Variants in ERAP2 observed in about 807,000 individuals in gnomAD.
ERAP2 encodes endoplasmic reticulum aminopeptidase 2.
A neutral mutation model predicts 111.1 loss-of-function variants in ERAP2; 118 were observed. The ratio of observed to expected loss-of-function variants is 1.06; its 90% CI spans 0.92 to 1.24. The LOEUF is 1.24. Among genes scored for constraint, ERAP2 ranks in the 50% most tolerant of loss-of-function variants. ERAP2 has a pLI of 0.00. For synonymous variants in ERAP2, 410 were observed against 401.2 expected (o/e 1.02, Z -0.26); for missense variants, 1,131 against 1,125.8 (o/e 1.00, Z -0.07).
chr5:96,911,880 AAG>A (rs1368212018), intron 15 of ERAP2, among the ~76,000 whole-genome samples: 1 of 125,596 alleles, frequency 8.0e-6, no homozygotes, highest in Admixed American at 8.5e-5. Context: ...AAAAAAAAAA[AAG>A]AAAGAAAGAA....
intron 2 of ERAP2, among the ~76,000 whole-genome samples, chr5:96,882,201 C>T (rs1243526153): frequency 2.0e-5 from 3 of 152,226 alleles, no homozygotes; most frequent in African/African-American, 7.2e-5. Flanking sequence ...TCAACTTCTT[C>T]TCACTAAGGC....
chr5:96,913,411 C>G lies in ERAP2; in HGVS notation c.2611C>G (p.Leu871Val). ...TGCCAGACGTCCAAAGGGGCAGCAA[C>G]TAGCATGGGATTTTGTAAGAGAAAA... ...AIARRPKGQQLAWDFVRENWT... is the reference protein window; with the variant it reads ...AIARRPKGQQVAWDFVRENWT... The change falls in exon 17 of 19, where the codon CTA becomes GTA. Residue 871 changes from leucine to valine, a missense_variant. Physicochemically the swap from Leu to Val is conservative, Grantham distance 32. Around this residue, in one of 3 missense-constraint regions of ERAP2, gnomAD observed 279 missense variants for 250.9 expected, o/e 1.11. Transcript: ENST00000437043. The G allele has an allele frequency of 2.5e-6, 4 of 1,613,734 alleles. No homozygotes were observed. Among genetic ancestry groups the G allele is most frequent in the Non-Finnish European group, 3.4e-6 (4 of 1,179,842 alleles).
chr5:96,887,956 C>G (rs1008397240), intron 4 of ERAP2, among the ~76,000 whole-genome samples: 1 of 151,966 alleles, frequency 6.6e-6, no homozygotes, highest in East Asian at 1.9e-4. Context: ...TGAAACCCCT[C>G]TCTACTAAAA....
chr5:96,896,297 C>A, intron 7 of ERAP2, 76 bp from the exon 8 acceptor site: 1 of 1,201,600 alleles, frequency 8.3e-7, no homozygotes, highest in Non-Finnish European at 1.2e-6. Flanking sequence ...GAACATCTTA[C>A]TAAACCTACT....
Position 96,896,831 on chromosome 5 carries a change from AAGAATGATGACTTGTGGAGC to A in ERAP2, c.1474_1493del (p.Asn492SerfsTer4). 8.1e-7 allele frequency: 1 copy of A among 1,228,528 alleles called. No individual in the cohort carries two copies. 76.1% of individuals were successfully genotyped at this position (1,228,528 alleles called of 1,614,324 possible). A position where few individuals can be genotyped will look rare whatever the true frequency, so the allele number is the denominator to read the frequency against. On this transcript the variant is annotated frameshift_variant, in exon 9 of 19. Coordinates refer to ENST00000437043, the MANE Select transcript of ERAP2 (RefSeq NM_022350.5). LOFTEE classifies it high-confidence loss of function. ...AAAGAAGTTCAGCTATAGAAATGCT[AAGAATGATGACTTGTGGAGC>A]AGTCTGTCAAATGTAAGTCATATGT...
At chr5:96,886,810 T>A in intron 4 of ERAP2, 21 bp downstream of exon 4, 1 of 1,431,842 alleles carries the variant, frequency 7.0e-7, no homozygotes, top group Non-Finnish European at 9.3e-7. Flanking sequence ...GTTCTAACGT[T>A]CTACGCAGTG....
At chr5:96,904,402 T>C (rs1332489661) in intron 13 of ERAP2, among the ~76,000 whole-genome samples, 2 of 152,206 alleles carry the variant, frequency 1.3e-5, no homozygotes, top group Non-Finnish European at 2.9e-5. Context: ...TTCAGGAGCT[T>C]ATTTAGGTCA....
chr5:96,900,954 G>T (rs775286904), intron 10 of ERAP2, among the ~76,000 whole-genome samples: 1 of 152,076 alleles, frequency 6.6e-6, no homozygotes, highest in Non-Finnish European at 1.5e-5. Context: ...CATGATCCAC[G>T]GCGCCTGGCC....
At position 96,880,176 on chromosome 5, in the gene ERAP2, T is replaced by C. The variant is rs1439396984; in HGVS notation, c.491T>C (p.Val164Ala). 5 of 1,614,106 alleles carry C rather than the reference T, an allele frequency of 3.1e-6. No homozygotes were observed. The East Asian group carries it at 6.7e-5, about 22-fold the overall frequency. The change falls in exon 2 of 19, where the codon GTG becomes GCG. Residue 164 changes from valine (V) to alanine (A), a missense_variant. Val to Ala is a moderately conservative substitution (Grantham distance 64). Coordinates refer to ENST00000437043, the MANE Select transcript of ERAP2 (RefSeq NM_022350.5). Reference protein sequence around the residue: ...EKLTPHLKYYVAMDFQAKLGD... With the variant: ...EKLTPHLKYYAAMDFQAKLGD... ...CTTACGCCTCACCTGAAATACTATG[T>C]GGCTATGGACTTCCAAGCCAAGTTA... is the stretch of plus-strand genomic sequence containing the variant.
chr5:96,904,426 T>C (rs1785812699), intron 13 of ERAP2, among the ~76,000 whole-genome samples: 1 of 152,214 alleles, frequency 6.6e-6, no homozygotes, highest in Non-Finnish European at 1.5e-5. Flanking sequence ...TGAGTGAAAG[T>C]GACCAGCAGG....
At chr5:96,917,368 A>G in intron 18 of ERAP2, 94 bp from the exon 19 acceptor site, 1 of 1,217,552 alleles carries the variant, frequency 8.2e-7, no homozygotes. Flanking sequence ...TGATCTGCCC[A>G]CCTTGGCCTC....
intron 6 of ERAP2, 96 bp from the exon 7 acceptor site, chr5:96,895,150 C>G: frequency 1.5e-6 from 1 of 659,244 alleles, no homozygotes; most frequent in Non-Finnish European, 2.5e-6. Context: ...GAGATCCTAA[C>G]TAATAAAAAA....
In ERAP2 at chr5:96,913,465, T is replaced by C; in HGVS notation, c.2657+8T>C. ...GACCCATCTTCTGAAAAAGTTGGTA[T>C]TCATTTTCATCCAATGTTTGTTCTT... On this transcript the variant is annotated splice_region_variant and intron_variant, in intron 17 of 18. Coordinates refer to ENST00000437043, the MANE Select transcript of ERAP2 (RefSeq NM_022350.5). 1 of 1,613,700 alleles carries C rather than the reference T, an allele frequency of 6.2e-7. No individual in the cohort carries two copies. The highest frequency in any genetic ancestry group is 8.5e-7 in the Non-Finnish European group (1 of 1,179,754).
intron 3 of ERAP2, 141 bp downstream of exon 3, chr5:96,884,071 T>TATC (rs1033986373): frequency 1.1e-5 from 6 of 562,478 alleles, no homozygotes; most frequent in Admixed American, 8.5e-5. Flanking sequence ...TCTATCTATC[T>TATC]ATCTATCTAT....
chr5:96,906,735 A>C (rs1319797674), intron 13 of ERAP2, among the ~76,000 whole-genome samples: 1 of 152,212 alleles, frequency 6.6e-6, no homozygotes, highest in East Asian at 1.9e-4. Flanking sequence ...CCCACACCTT[A>C]AAGAGAAAAC....
At chr5:96,908,872 T>G in intron 13 of ERAP2, 89 bp from the exon 14 acceptor site, 1 of 1,329,276 alleles carries the variant, frequency 7.5e-7, no homozygotes, top group Non-Finnish European at 1.0e-6. Flanking sequence ...ACTTCTGTTA[T>G]TGTTCTCTAT....
At chr5:96,892,552 C>T (rs1784488854) in intron 6 of ERAP2, 99 bp downstream of exon 6, 2 of 1,396,722 alleles carry the variant, frequency 1.4e-6, no homozygotes, top group Non-Finnish European at 2.0e-6. Flanking sequence ...TCTCATTTAC[C>T]TCTAGAGGGG....
Position 96,883,790 on chromosome 5 carries a change from A to G in ERAP2, c.576-2A>G, listed in dbSNP as rs1038274260. ...TTTGGCTGGGGGTGGGTCTTTTCAC[A>G]GAATTCTTGCAGTAACAGATTTTGA... is the stretch of plus-strand genomic sequence containing the variant. On this transcript the variant is annotated splice_acceptor_variant, in intron 2 of 18. Transcript: ENST00000437043. LOFTEE classifies it high-confidence loss of function. The G allele has an allele frequency of 7.5e-6, 12 of 1,609,450 alleles. No individual in the cohort carries two copies. The highest frequency in any genetic ancestry group is 9.3e-6 in the Non-Finnish European group (11 of 1,178,418).
intron 9 of ERAP2, among the ~76,000 whole-genome samples, chr5:96,899,070 T>C (rs1344560205): frequency 6.6e-6 from 1 of 152,136 alleles, no homozygotes; most frequent in Non-Finnish European, 1.5e-5. Flanking sequence ...AGGCCAGCAG[T>C]GTAAATTCCT....
Sources: gnomAD v4.1 joint callset for allele counts (sites outside exome capture counted in the v4.1 genomes callset) on GRCh38, gnomAD v4.1.1 for gene constraint, gnomAD v4.1.1 regional missense constraint, MANE v1.5 for transcripts, NCBI Gene and HGNC (gene_info 2026-07-23, HGNC 2026-07-21) for gene names.